The following ANO3 variants were observed in gnomAD, a reference collection of about 807,000 sequenced individuals.
ANO3 encodes the protein anoctamin 3.
ANO3 carries 99 observed loss-of-function variants against 144.8 expected under a neutral mutation model. That is an observed-to-expected ratio of 0.68 (90% CI 0.58 to 0.81). The LOEUF (loss-of-function observed/expected upper bound fraction) is 0.81. Among genes scored for constraint, ANO3 ranks in the 30% least tolerant of loss-of-function variants. The pLI, the probability that ANO3 is intolerant of heterozygous loss-of-function variation, is 0.00. For synonymous variants in ANO3, 414 were observed against 392.6 expected (o/e 1.05, Z -0.64); for missense variants, 905 against 1,202.2 (o/e 0.75, Z 3.66).
intron 14 of ANO3, among the ~76,000 whole-genome samples, chr11:26,591,934 T>C (rs574798425): frequency 1.3e-5 from 2 of 152,224 alleles, no homozygotes; most frequent in South Asian, 4.2e-4. Context: ...ATAAAATGAC[T>C]GGGTAGGGTC....
intron 1 of ANO3, among the ~76,000 whole-genome samples, chr11:26,395,549 G>C (rs185214759): frequency 7.2e-5 from 11 of 152,082 alleles, no homozygotes; most frequent in African/African-American, 2.7e-4. Flanking sequence ...AGTGTGAATG[G>C]GAGTTCACTC....
chr11:26,269,141 C>T (rs1853381556), intron 1 of ANO3, among the ~76,000 whole-genome samples: 1 of 152,186 alleles, frequency 6.6e-6, no homozygotes, highest in African/African-American at 2.4e-5. Flanking sequence ...ACTCAGTGCA[C>T]AGCCAATAAT....
chr11:26,245,716 T>C (rs2133814967), intron 1 of ANO3, among the ~76,000 whole-genome samples: 1 of 152,336 alleles, frequency 6.6e-6, no homozygotes, highest in Admixed American at 6.5e-5. Flanking sequence ...TATTAGCATT[T>C]ATGGGGAGTA....
intron 1 of ANO3, among the ~76,000 whole-genome samples, chr11:26,429,654 A>T (rs553097750): frequency 6.6e-6 from 1 of 152,300 alleles, no homozygotes; most frequent in Admixed American, 6.5e-5. Context: ...TGTATACAGG[A>T]GTCATACATA....
chr11:26,603,225 G>A (rs1352619347), intron 17 of ANO3, among the ~76,000 whole-genome samples: 1 of 151,904 alleles, frequency 6.6e-6, no homozygotes, highest in African/African-American at 2.4e-5. Flanking sequence ...ACATAATAGT[G>A]GCAAGTATAG....
intron 1 of ANO3, among the ~76,000 whole-genome samples, chr11:26,216,889 T>C (rs556360749): frequency 4.3e-4 from 65 of 152,182 alleles, no homozygotes; most frequent in African/African-American, 1.5e-3. Context: ...TGTTCAAATC[T>C]TTTGTGCAGT....
intron 14 of ANO3, among the ~76,000 whole-genome samples, chr11:26,570,820 GT>G (rs1850794828): frequency 6.6e-6 from 1 of 151,994 alleles, no homozygotes; most frequent in Admixed American, 6.6e-5. Context: ...AGTATTTTTA[GT>G]TTCCTAAATT....
At chr11:26,632,825 A>G (rs1852829592) in intron 18 of ANO3, among the ~76,000 whole-genome samples, 2 of 152,158 alleles carry the variant, frequency 1.3e-5, no homozygotes. Flanking sequence ...ACTAATCTAC[A>G]CAATAAAAAG....
At chr11:26,455,519 C>T (rs955206510) in intron 3 of ANO3, among the ~76,000 whole-genome samples, 9 of 152,030 alleles carry the variant, frequency 5.9e-5, no homozygotes, top group East Asian at 1.9e-4. Flanking sequence ...TTACAAGGGA[C>T]GTGAAGTACA....
At chr11:26,634,512 C>CAA in intron 19 of ANO3, among the ~76,000 whole-genome samples, 197 bp downstream of exon 19, 1 of 152,206 alleles carries the variant, frequency 6.6e-6, no homozygotes, top group East Asian at 1.9e-4. Flanking sequence ...GTTAAAGAAG[C>CAA]AAAGAATTTT....
At chr11:26,451,466 C>G (rs1157403840) in intron 3 of ANO3, among the ~76,000 whole-genome samples, 1 of 152,192 alleles carries the variant, frequency 6.6e-6, no homozygotes, top group Non-Finnish European at 1.5e-5. Flanking sequence ...CCTACGCCCA[C>G]GGAGTCTCGC....
chr11:26,305,132 A>G (rs140462326), upstream of ANO3, among the ~76,000 whole-genome samples: 4 of 151,478 alleles, frequency 2.6e-5, no homozygotes, highest in East Asian at 5.8e-4. Flanking sequence ...TTTATTCCAA[A>G]CCGATTCATT....
At chr11:26,635,103 G>A in intron 20 of ANO3, 33 bp downstream of exon 20, 1 of 1,598,820 alleles carries the variant, frequency 6.3e-7, no homozygotes, top group East Asian at 2.2e-5. Flanking sequence ...GTGCAGGAAT[G>A]GGCATGGATA....
At chr11:26,416,547 C>T (rs1255657718) in intron 1 of ANO3, among the ~76,000 whole-genome samples, 2 of 151,962 alleles carry the variant, frequency 1.3e-5, no homozygotes, top group Non-Finnish European at 2.9e-5. Context: ...CTGCATCAAC[C>T]TCCCGAGTAG....
intron 14 of ANO3, among the ~76,000 whole-genome samples, chr11:26,579,356 G>GT (rs1169835999): frequency 6.6e-6 from 1 of 152,218 alleles, no homozygotes; most frequent in African/African-American, 2.4e-5. Flanking sequence ...GCCTGGGAAG[G>GT]TGTGTACACT....
chr11:26,324,400 G>A (rs1168773819), intron 1 of ANO3, among the ~76,000 whole-genome samples: 1 of 152,118 alleles, frequency 6.6e-6, no homozygotes, highest in Non-Finnish European at 1.5e-5. Context: ...AATACACACT[G>A]AGACCCTCAG....
At chr11:26,524,219 C>T (rs924646571) in intron 6 of ANO3, among the ~76,000 whole-genome samples, 9 of 151,884 alleles carry the variant, frequency 5.9e-5, no homozygotes, top group Admixed American at 3.9e-4. Flanking sequence ...GAGTGAAGTA[C>T]GCACACAAGC....
At chr11:26,230,895 T>TG (rs1852382499) in intron 1 of ANO3, among the ~76,000 whole-genome samples, 1 of 149,696 alleles carries the variant, frequency 6.7e-6, no homozygotes, top group African/African-American at 2.5e-5. Flanking sequence ...TTCTTTTTTT[T>TG]TTTTTTTCTT....
At chr11:26,633,438 C>T (rs1852850219) in intron 18 of ANO3, among the ~76,000 whole-genome samples, 1 of 152,190 alleles carries the variant, frequency 6.6e-6, no homozygotes, top group Admixed American at 6.5e-5. Context: ...TAACTGATTT[C>T]TCTTTTCTCT....
Sources: allele counts gnomAD v4.1 joint callset (sites outside exome capture counted in the v4.1 genomes callset), GRCh38; gene constraint gnomAD v4.1.1; transcripts MANE v1.5; gene names NCBI Gene and HGNC (gene_info 2026-07-23, HGNC 2026-07-21).